Variants in ERG observed in about 807,000 individuals in gnomAD.
The protein encoded by ERG is ETS transcription factor ERG, also known as transcriptional regulator ERG.
A neutral mutation model predicts 55.3 loss-of-function variants in ERG; 9 were observed. The observed-to-expected ratio is 0.16, with a 90% CI of 0.10 to 0.28. The LOEUF (loss-of-function observed/expected upper bound fraction) is 0.28. ERG is among the 10% of genes least tolerant of loss of function. The probability of loss-of-function intolerance (pLI) is 1.00; values close to 1 mark genes in which losing one functional copy is unlikely to be tolerated. For missense variants in ERG, 434 were observed against 631.6 expected (o/e 0.69, Z 3.35); for synonymous variants, 223 against 237.3 (o/e 0.94, Z 0.55).
chr21:38,609,137 G>C (rs2060211794), intron 1 of ERG, among the ~76,000 whole-genome samples: 1 of 152,260 alleles, frequency 6.6e-6, no homozygotes, highest in East Asian at 1.9e-4. Context: ...GAAAGCTCTT[G>C]AATCTACTCC....
chr21:38,527,331 G>A (rs768537127), intron 2 of ERG, among the ~76,000 whole-genome samples: 4 of 152,198 alleles, frequency 2.6e-5, no homozygotes, highest in South Asian at 2.1e-4. Context: ...AAATGGAAAC[G>A]TATGTGCTAC....
intron 1 of ERG, among the ~76,000 whole-genome samples, chr21:38,614,648 G>A (rs1438814293): frequency 5.3e-5 from 8 of 152,228 alleles, no homozygotes; most frequent in Non-Finnish European, 1.2e-4. Flanking sequence ...GACTGGGTTG[G>A]GGACGAACGG....
chr21:38,508,146 TGA>T (rs890060972), intron 2 of ERG, among the ~76,000 whole-genome samples: 5 of 148,160 alleles, frequency 3.4e-5, no homozygotes, highest in African/African-American at 7.5e-5. Flanking sequence ...TATGAACAGA[TGA>T]GAGAGAGAGA....
At chr21:38,632,092 G>T (rs185114825) in intron 1 of ERG, among the ~76,000 whole-genome samples, 1 of 152,200 alleles carries the variant, frequency 6.6e-6, no homozygotes, top group African/African-American at 2.4e-5. Context: ...CATAGTGATT[G>T]CAAAGCAGGA....
intron 1 of ERG, among the ~76,000 whole-genome samples, chr21:38,583,615 G>C (rs2146880449): frequency 6.6e-6 from 1 of 152,270 alleles, no homozygotes; most frequent in South Asian, 2.1e-4. Context: ...TTCATGCACT[G>C]GAGTACTAAC....
At chr21:38,601,527 G>C (rs1363840948) in intron 1 of ERG, among the ~76,000 whole-genome samples, 1 of 152,150 alleles carries the variant, frequency 6.6e-6, no homozygotes, top group Non-Finnish European at 1.5e-5. Flanking sequence ...AAACAGGGGA[G>C]ATACAAGGTG....
chr21:38,394,484 C>T (rs1029995877), intron 6 of ERG, among the ~76,000 whole-genome samples: 1 of 152,048 alleles, frequency 6.6e-6, no homozygotes, highest in African/African-American at 2.4e-5. Flanking sequence ...TCCTGAGTAG[C>T]TGGGACTACA....
chr21:38,515,358 T>G (rs1322246963), intron 2 of ERG, among the ~76,000 whole-genome samples: 1 of 151,822 alleles, frequency 6.6e-6, no homozygotes, highest in African/African-American at 2.4e-5. Context: ...ACATACAACC[T>G]GCCAAGATTG....
chr21:38,484,691 G>T (rs533050742), intron 1 of ERG, among the ~76,000 whole-genome samples: 1 of 152,326 alleles, frequency 6.6e-6, no homozygotes, highest in Admixed American at 6.5e-5. Flanking sequence ...ATACATTCAG[G>T]AGTTGCATAA....
intron 2 of ERG, among the ~76,000 whole-genome samples, chr21:38,543,355 GTT>G (rs60845917): frequency 0.056 from 3,451 of 61,564 alleles, 136 homozygotes; most frequent in African/African-American, 0.14. Flanking sequence ...GTATATGTGT[GTT>G]TTTTTTTAAA....
chr21:38,592,179 A>C (rs1354184461), intron 1 of ERG, among the ~76,000 whole-genome samples: 1 of 152,230 alleles, frequency 6.6e-6, no homozygotes, highest in Non-Finnish European at 1.5e-5. Context: ...TATGGAGTCA[A>C]TATTTCCATC....
In ERG at chr21:38,648,658, C is replaced by T. The variant is rs115537343; in HGVS notation, c.-150+13000G>A. 3.7e-3 allele frequency among the ~76,000 whole-genome samples: 566 copies of T among 152,368 alleles called. 4 individuals carry two copies. Among genetic ancestry groups the T allele is most frequent in the African/African-American group, 0.013 (544 of 41,582 alleles). On this transcript the variant is annotated intron_variant, in intron 1 of 10. Coordinates refer to the ERG transcript ENST00000398910. ...CCTCCGAGGTTCCTTGGTCCTGACTCCTAATGGCAAGGGCCAAAGAACACA... is the reference window on the plus strand; with the variant it reads ...CCTCCGAGGTTCCTTGGTCCTGACTTCTAATGGCAAGGGCCAAAGAACACA...
At chr21:38,549,006 G>T (rs1190977004) in intron 2 of ERG, among the ~76,000 whole-genome samples, 1 of 151,710 alleles carries the variant, frequency 6.6e-6, no homozygotes, top group African/African-American at 2.4e-5. Flanking sequence ...CCAGCTACTT[G>T]GGAGGCTGAG....
At chr21:38,514,965 A>AT (rs2059540906) in intron 2 of ERG, among the ~76,000 whole-genome samples, 1 of 152,020 alleles carries the variant, frequency 6.6e-6, no homozygotes, top group African/African-American at 2.4e-5. Flanking sequence ...AGAAATCAAA[A>AT]TTTTTAAGTG....
chr21:38,488,438 ATTTT>A (rs528287878), intron 1 of ERG, among the ~76,000 whole-genome samples: 1 of 150,676 alleles, frequency 6.6e-6, no homozygotes, highest in Non-Finnish European at 1.5e-5. Flanking sequence ...GACTTGATCT[ATTTT>A]TTTTTCTCCT....
intron 2 of ERG, among the ~76,000 whole-genome samples, chr21:38,537,441 A>AAT (rs1555854661): frequency 1.9e-4 from 10 of 52,196 alleles, no homozygotes; most frequent in African/African-American, 4.7e-4. Context: ...CAGAAAAAAA[A>AAT]ATATATATAT....
rs967496706 is a variant in ERG, at chr21:38,576,812, G to A, written c.-126-1065C>T. Among the ~76,000 whole-genome samples, 4 of 152,042 alleles carry A rather than the reference G, an allele frequency of 2.6e-5. No individual in the cohort carries two copies. In the East Asian group the frequency reaches 7.8e-4, roughly 30 times the overall value. On this transcript the variant is annotated intron_variant, in intron 1 of 8. Transcript: ENST00000398897. The stretch of plus-strand genomic sequence containing the variant: ...CACCTTCCCACCACCGACACCTGCC[G>A]CCCAACCTCCCTGGGCGCTTGGTTA...
chr21:38,622,817 A>G (rs1409953921), intron 1 of ERG, among the ~76,000 whole-genome samples: 1 of 149,284 alleles, frequency 6.7e-6, no homozygotes, highest in Non-Finnish European at 1.5e-5. Flanking sequence ...AATCACATAT[A>G]CACCACACAT....
rs185211409 is a variant in ERG at position 38,383,395 on chromosome 21, C to G, written c.*8G>C. On this transcript the variant is annotated 3_prime_UTR_variant, in exon 10 of 10. Coordinates refer to ENST00000288319, the MANE Select transcript of ERG (RefSeq NM_182918.4). This position sits in a 1 kb window ranked among gnomAD's most constrained non-coding sequence, Gnocchi z 5.7. ...TGCACGCTGATGGGAAAAGCCTCCGCCAGGTCTTTAGTAGTAAGTGCCCAG... is the reference window on the plus strand; with the variant it reads ...TGCACGCTGATGGGAAAAGCCTCCGGCAGGTCTTTAGTAGTAAGTGCCCAG... 1 of 1,485,276 alleles carries G rather than the reference C, an allele frequency of 6.7e-7. No individual in the cohort carries two copies. The highest frequency in any genetic ancestry group is 1.4e-5 in the African/African-American group (1 of 71,330). 92.0% of individuals were successfully genotyped at this position (1,485,276 alleles called of 1,614,324 possible).
Sources: allele counts gnomAD v4.1 joint callset (sites outside exome capture counted in the v4.1 genomes callset), GRCh38; gene constraint gnomAD v4.1.1; non-coding constraint Gnocchi (gnomAD v3.1); transcripts MANE v1.5; gene names NCBI Gene and HGNC (gene_info 2026-07-23, HGNC 2026-07-21).